The following ADGRV1 variants were observed in gnomAD, a reference collection of about 807,000 sequenced individuals.
ADGRV1 encodes the protein G-protein coupled receptor 98.
In ADGRV1, 359 loss-of-function variants were observed where a neutral mutation model predicts 596.2. That is an observed-to-expected ratio of 0.60 (90% CI 0.55 to 0.66). The LOEUF (loss-of-function observed/expected upper bound fraction) is 0.66, where lower values mean the gene tolerates loss of function less well. Among genes scored for constraint, ADGRV1 ranks in the 30% least tolerant of loss-of-function variants. ADGRV1 has a pLI of 0.00. For synonymous variants in ADGRV1, 2,681 were observed against 2,679.2 expected (o/e 1.00, Z -0.02); for missense variants, 7,274 against 7,575.6 (o/e 0.96, Z 1.48).
At chr5:90,693,840 A>G (rs1267254042) in intron 32 of ADGRV1, 50 bp from the exon 33 acceptor site, 1 of 1,350,846 alleles carries the variant, frequency 7.4e-7, no homozygotes, top group Non-Finnish European at 1.0e-6. Context: ...CTCTATTTGT[A>G]ATTACTTTGA....
intron 77 of ADGRV1, among the ~76,000 whole-genome samples, chr5:90,833,145 T>C (rs1449376417): frequency 6.6e-6 from 1 of 152,186 alleles, no homozygotes; most frequent in Non-Finnish European, 1.5e-5. Context: ...GTCATTGGCA[T>C]TTTGATAAGG....
At chr5:90,917,881 A>AT (rs760124388) in intron 83 of ADGRV1, among the ~76,000 whole-genome samples, 12 of 151,218 alleles carry the variant, frequency 7.9e-5, no homozygotes, top group African/African-American at 2.4e-4. Flanking sequence ...CACCACTATC[A>AT]TTTTTTTTAA....
chr5:90,653,348 G>A lies in ADGRV1; in HGVS notation c.3774G>A (p.Leu1258=). 1 of 1,613,914 alleles carries A rather than the reference G, an allele frequency of 6.2e-7. No homozygotes were observed. The highest frequency in any genetic ancestry group is 1.1e-5 in the South Asian group (1 of 91,084). ...CLEREVAEDV[L]SEDDMSYITN... Reference sequence around the variant, plus strand: ...AGAGAGAAGTGGCAGAAGATGTCCTGTCTGAAGATGATATGTCTTATATTA... The same window carrying A: ...AGAGAGAAGTGGCAGAAGATGTCCTATCTGAAGATGATATGTCTTATATTA... The change falls in exon 20 of 90, where the codon CTG becomes CTA. Residue 1258 remains leucine (L), a synonymous_variant. Coordinates refer to ENST00000405460, the MANE Select transcript of ADGRV1 (RefSeq NM_032119.4).
intron 83 of ADGRV1, among the ~76,000 whole-genome samples, chr5:90,882,739 A>G (rs1452011895): frequency 6.6e-6 from 1 of 152,224 alleles, no homozygotes; most frequent in African/African-American, 2.4e-5. Context: ...GATTAAGGTA[A>G]AGGAAGATGA....
At chr5:91,105,482 G>A (rs868228107) in intron 87 of ADGRV1, among the ~76,000 whole-genome samples, 30 of 152,036 alleles carry the variant, frequency 2.0e-4, no homozygotes, top group Non-Finnish European at 1.8e-4. Flanking sequence ...TGTTTTCTCC[G>A]CATCATCACT....
At chr5:90,593,307 T>C (rs1189933133) in intron 1 of ADGRV1, among the ~76,000 whole-genome samples, 3 of 152,168 alleles carry the variant, frequency 2.0e-5, no homozygotes, top group African/African-American at 4.8e-5. Flanking sequence ...TGCAGGGACA[T>C]GGATGAAACT....
chr5:90,713,387 GTA>G (rs141940225), intron 42 of ADGRV1, among the ~76,000 whole-genome samples: 1 of 150,072 alleles, frequency 6.7e-6, no homozygotes, highest in Admixed American at 6.6e-5. Flanking sequence ...AGTTCAAAGA[GTA>G]TATGTTTGAG....
chr5:90,624,747 A>G (rs879466717), intron 5 of ADGRV1, among the ~76,000 whole-genome samples: 2 of 152,214 alleles, frequency 1.3e-5, no homozygotes, highest in African/African-American at 2.4e-5. Flanking sequence ...TTTTTAAATG[A>G]ATGATTTTAT....
chr5:90,809,293 T>TACACACACACACACACACACACAC lies in ADGRV1; in HGVS notation c.14973-929_14973-906dup, dbSNP rs60659185. ...GTGCTTACTCTAGGCCGGGCATAAA[T>TACACACACACACACACACACACAC]ACACACACACACACACACACACACA... On this transcript the variant is annotated intron_variant, in intron 73 of 89. Coordinates refer to ENST00000405460, the MANE Select transcript of ADGRV1 (RefSeq NM_032119.4). Among the ~76,000 whole-genome samples, 371 of 134,612 alleles carry TACACACACACACACACACACACAC rather than the reference T, an allele frequency of 2.8e-3. 3 individuals are homozygous for TACACACACACACACACACACACAC. The highest frequency in any genetic ancestry group is 5.1e-3 in the African/African-American group (182 of 35,380). The allele number at this position is 134,612 out of a possible 152,430, so 88.3% of individuals were successfully genotyped here. A position where few individuals can be genotyped will look rare whatever the true frequency, so the allele number is the denominator to read the frequency against.
chr5:90,928,021 C>A (rs1469666062), intron 83 of ADGRV1, among the ~76,000 whole-genome samples: 2 of 152,216 alleles, frequency 1.3e-5, no homozygotes, highest in African/African-American at 2.4e-5. Context: ...TGATGGGCTT[C>A]CCTTTGAGGG....
intron 38 of ADGRV1, among the ~76,000 whole-genome samples, chr5:90,706,742 A>G (rs1418788656): frequency 6.6e-6 from 1 of 151,866 alleles, no homozygotes; most frequent in Non-Finnish European, 1.5e-5. Flanking sequence ...AAAAAAAAAA[A>G]AAATTACTCT....
At chr5:90,856,809 A>T (rs78457853) in intron 82 of ADGRV1, among the ~76,000 whole-genome samples, 1,604 of 152,316 alleles carry the variant, frequency 0.011, 24 homozygotes, top group African/African-American at 0.037. Flanking sequence ...ATTTGATTAT[A>T]AATTGTGTCT....
chr5:91,056,297 A>C (rs536328821), intron 85 of ADGRV1, among the ~76,000 whole-genome samples: 4 of 152,060 alleles, frequency 2.6e-5, no homozygotes, highest in Non-Finnish European at 5.9e-5. Context: ...GCTGTAGTGG[A>C]TCAGACCAGC....
chr5:90,624,430 G>C (rs1410673475), intron 5 of ADGRV1, among the ~76,000 whole-genome samples: 1 of 152,100 alleles, frequency 6.6e-6, no homozygotes, highest in Non-Finnish European at 1.5e-5. Flanking sequence ...TTTGTAGCCT[G>C]TTTTTTGTTT....
At chr5:90,567,781 G>A (rs935100948) in intron 1 of ADGRV1, among the ~76,000 whole-genome samples, 5 of 150,810 alleles carry the variant, frequency 3.3e-5, no homozygotes, top group African/African-American at 4.9e-5. Flanking sequence ...TTACCCCGGC[G>A]GGAGTGGGAG....
intron 72 of ADGRV1, 88 bp downstream of exon 72, chr5:90,805,546 G>A: frequency 9.1e-7 from 1 of 1,093,308 alleles, no homozygotes; most frequent in South Asian, 2.2e-5. Context: ...CCTTATTCTG[G>A]ACACTAAATG....
chr5:90,858,034 G>A (rs75768104), intron 82 of ADGRV1, among the ~76,000 whole-genome samples: 2,223 of 152,284 alleles, frequency 0.015, 50 homozygotes, highest in African/African-American at 0.05. Flanking sequence ...TGATCAAAGT[G>A]TGTCAAATAG....
intron 83 of ADGRV1, among the ~76,000 whole-genome samples, chr5:90,868,182 GGTT>G (rs550866588): frequency 2.1e-3 from 318 of 151,924 alleles, no homozygotes; most frequent in Non-Finnish European, 3.1e-3. Context: ...AAACATCTCT[GGTT>G]GTTGTTGTTG....
At chr5:90,821,728 C>G (rs575413129) in intron 75 of ADGRV1, among the ~76,000 whole-genome samples, 9,579 of 148,586 alleles carry the variant, frequency 0.064, 707 homozygotes, top group African/African-American at 0.18. Context: ...TAGGCTGCTT[C>G]GGGGTCAGGG....
Sources: gnomAD v4.1 joint callset for allele counts (sites outside exome capture counted in the v4.1 genomes callset) on GRCh38, gnomAD v4.1.1 for gene constraint, MANE v1.5 for transcripts, NCBI Gene and HGNC (gene_info 2026-07-23, HGNC 2026-07-21) for gene names.